The following CCDC33 variants were observed in gnomAD, a reference collection of about 807,000 sequenced individuals.
CCDC33 encodes the protein coiled-coil domain containing 33, also known as coiled-coil domain-containing protein 33.
Under a neutral mutation model 91.9 loss-of-function variants are expected in CCDC33, and 94 were observed. The observed-to-expected ratio is 1.02, with a 90% CI of 0.87 to 1.21. The LOEUF (loss-of-function observed/expected upper bound fraction) is 1.21, where lower values mean the gene tolerates loss of function less well. Ranked by LOEUF, CCDC33 falls within the 50% of genes most tolerant of loss-of-function variation. CCDC33 has a pLI of 0.00. For missense variants in CCDC33, 940 were observed against 935.5 expected (o/e 1.00, Z -0.06); for synonymous variants, 396 against 374.5 (o/e 1.06, Z -0.66).
intron 2 of CCDC33, among the ~76,000 whole-genome samples, chr15:74,253,892 A>G (rs2075784895): frequency 6.6e-6 from 1 of 151,954 alleles, no homozygotes; most frequent in Non-Finnish European, 1.5e-5. Flanking sequence ...AGGTTTTTTT[A>G]ATGTGTAGAG....
At chr15:74,228,918 G>A (rs967816663) in intron 2 of CCDC33, among the ~76,000 whole-genome samples, 1 of 152,188 alleles carries the variant, frequency 6.6e-6, no homozygotes, top group South Asian at 2.1e-4. Flanking sequence ...TGAGCGAAGG[G>A]TGGCGGGCGC....
At chr15:74,283,644 G>A (rs905294676) in intron 10 of CCDC33, among the ~76,000 whole-genome samples, 12 of 151,990 alleles carry the variant, frequency 7.9e-5, no homozygotes, top group Non-Finnish European at 1.5e-5. Context: ...TGATTTTAGC[G>A]TCTCCTTCCC....
chr15:74,330,359 G>A lies in CCDC33; in HGVS notation c.1456+5G>A. 6.3e-7 allele frequency: 1 copy of A among 1,581,160 alleles called. No individual in the cohort carries two copies. Among genetic ancestry groups the A allele is most frequent in the Non-Finnish European group, 8.6e-7 (1 of 1,163,446 alleles). On this transcript the variant is annotated splice_donor_5th_base_variant and intron_variant, in intron 12 of 18. Coordinates refer to ENST00000398814, the MANE Select transcript of CCDC33 (RefSeq NM_025055.5). ...CCAGTGAGGCCCAGAACACGGGTGA[G>A]GATGTGCAGGCCACCAAGGGCACCC...
At chr15:74,267,289 G>A (rs191277129) in intron 4 of CCDC33, among the ~76,000 whole-genome samples, 1 of 152,336 alleles carries the variant, frequency 6.6e-6, no homozygotes, top group Admixed American at 6.5e-5. Flanking sequence ...AAGTCATGCT[G>A]TCTCCCAAGC....
At chr15:74,306,802 A>T (rs1302654176) in intron 11 of CCDC33, among the ~76,000 whole-genome samples, 2 of 152,096 alleles carry the variant, frequency 1.3e-5, no homozygotes, top group Non-Finnish European at 2.9e-5. Flanking sequence ...GAACGAGGTC[A>T]CTCCGGGCAG....
At chr15:74,328,437 G>T (rs1459507691) in intron 11 of CCDC33, among the ~76,000 whole-genome samples, 1 of 152,232 alleles carries the variant, frequency 6.6e-6, no homozygotes, top group African/African-American at 2.4e-5. Flanking sequence ...GAAGGGGCCT[G>T]GCTGAACTCA....
At chr15:74,323,054 C>T (rs1209831230) in intron 11 of CCDC33, among the ~76,000 whole-genome samples, 1 of 152,112 alleles carries the variant, frequency 6.6e-6, no homozygotes, top group Non-Finnish European at 1.5e-5. Flanking sequence ...TGCATCCCTC[C>T]CTCTTACCTT....
At chr15:74,263,643 C>T (rs971213019) in intron 3 of CCDC33, among the ~76,000 whole-genome samples, 8 of 152,198 alleles carry the variant, frequency 5.3e-5, no homozygotes, top group Non-Finnish European at 7.3e-5. Context: ...AAAAATTGAC[C>T]TAGGATTTCA....
intron 1 of CCDC33, among the ~76,000 whole-genome samples, chr15:74,204,639 A>G (rs1284382035): frequency 6.6e-6 from 1 of 152,208 alleles, no homozygotes; most frequent in African/African-American, 2.4e-5. Flanking sequence ...CCTATCAGAA[A>G]CCATGCCCTT....
chr15:74,330,866 G>A, intron 13 of CCDC33, 115 bp downstream of exon 13: 1 of 1,515,414 alleles, frequency 6.6e-7, no homozygotes, highest in East Asian at 2.3e-5. Flanking sequence ...AAGCACGGAA[G>A]AAAGGGGGAC....
At chr15:74,332,592 A>T in intron 15 of CCDC33, 87 bp from the exon 16 acceptor site, 1 of 1,474,684 alleles carries the variant, frequency 6.8e-7, no homozygotes, top group Admixed American at 1.9e-5. Context: ...GGGGTGGCAG[A>T]TTGAAGCAAA....
At chr15:74,296,736 C>T (rs2059695289) in intron 11 of CCDC33, among the ~76,000 whole-genome samples, 1 of 152,164 alleles carries the variant, frequency 6.6e-6, no homozygotes, top group Admixed American at 6.5e-5. Flanking sequence ...AGCAGATGCT[C>T]AGGAAGGGCT....
Position 74,236,528 on chromosome 15 carries a change from C to A in CCDC33, c.-192C>A. ...CACCTGGCCACCCTCCCCCTCCCCC[C>A]ACATCCAGGCCCCAGGGCTGGTGTG... On this transcript the variant is annotated 5_prime_UTR_variant, in exon 1 of 19. Transcript: ENST00000398814. 5 of 430,530 alleles carry A rather than the reference C, an allele frequency of 1.2e-5. No individual in the cohort carries two copies. Among genetic ancestry groups the A allele is most frequent in the Non-Finnish European group, 1.3e-5 (3 of 236,662 alleles). 26.7% of individuals were successfully genotyped at this position (430,530 alleles called of 1,614,324 possible). A position where few individuals can be genotyped will look rare whatever the true frequency, so the allele number is the denominator to read the frequency against.
At chr15:74,326,576 C>T (rs1354809778) in intron 11 of CCDC33, among the ~76,000 whole-genome samples, 1 of 152,258 alleles carries the variant, frequency 6.6e-6, no homozygotes. Context: ...TGGGGCAATT[C>T]AAACCCAAGG....
At chr15:74,268,571 A>G in intron 5 of CCDC33, 113 bp downstream of exon 5, 3 of 744,356 alleles carry the variant, frequency 4.0e-6, no homozygotes, top group Non-Finnish European at 6.9e-6. Flanking sequence ...GGTGTGGAGC[A>G]GAGATGTCAA....
At chr15:74,260,518 T>C (rs1000068947) in intron 2 of CCDC33, among the ~76,000 whole-genome samples, 2 of 152,198 alleles carry the variant, frequency 1.3e-5, no homozygotes, top group East Asian at 3.9e-4. Context: ...GGGAATAACA[T>C]GAACTGGGGC....
chr15:74,291,964 T>TGAATGCTGGG (rs2059592923), intron 10 of CCDC33, among the ~76,000 whole-genome samples: 1 of 152,226 alleles, frequency 6.6e-6, no homozygotes, highest in South Asian at 2.1e-4. Context: ...AGCAGTGAGC[T>TGAATGCTGGG]GAATGCTGGG....
chr15:74,203,702 G>T (rs1220361208), intron 1 of CCDC33, among the ~76,000 whole-genome samples: 1 of 152,194 alleles, frequency 6.6e-6, no homozygotes, highest in Non-Finnish European at 1.5e-5. Context: ...AGTTCAGCGG[G>T]GACACAGCCA....
At chr15:74,328,061 G>A (rs1378841558) in intron 11 of CCDC33, among the ~76,000 whole-genome samples, 3 of 152,238 alleles carry the variant, frequency 2.0e-5, no homozygotes, top group Non-Finnish European at 2.9e-5. Flanking sequence ...TTTGGATGCT[G>A]CTGTAATTGT....
Sources: gnomAD v4.1 joint callset for allele counts (sites outside exome capture counted in the v4.1 genomes callset) on GRCh38, gnomAD v4.1.1 for gene constraint, MANE v1.5 for transcripts, NCBI Gene and HGNC (gene_info 2026-07-23, HGNC 2026-07-21) for gene names.